The following VPS13C variants were observed in gnomAD, a reference collection of about 807,000 sequenced individuals.
VPS13C encodes vacuolar protein sorting 13 homolog C.
In VPS13C, 358 loss-of-function variants were observed where a neutral mutation model predicts 456.8. That is an observed-to-expected ratio of 0.78 (90% CI 0.72 to 0.86). The LOEUF is 0.86. Among genes scored for constraint, VPS13C ranks in the 40% least tolerant of loss-of-function variants. VPS13C has a pLI of 0.00. For missense variants in VPS13C, 4,818 were observed against 4,385.4 expected (o/e 1.10, Z -2.79); for synonymous variants, 1,578 against 1,486.7 (o/e 1.06, Z -1.41).
rs530099486 is a variant in VPS13C, at chr15:61,889,478, C to T, written c.9341+687G>A. 9.2e-5 allele frequency among the ~76,000 whole-genome samples: 14 copies of T among 152,132 alleles called. No individual in the cohort carries two copies. The South Asian group carries it at 2.7e-3, about 29-fold the overall frequency. ...CGTGTGCTTCTTGATAGATCCTATC[C>T]TGGTTATATTTTGTATCATGTCAAC... On this transcript the variant is annotated intron_variant, in intron 67 of 84. Coordinates refer to ENST00000644861, the MANE Select transcript of VPS13C (RefSeq NM_020821.3).
intron 45 of VPS13C, 127 bp from the exon 46 acceptor site, chr15:61,942,194 T>A: frequency 1.2e-6 from 1 of 863,326 alleles, no homozygotes; most frequent in Non-Finnish European, 1.7e-6. Flanking sequence ...TGATTTTGTG[T>A]ATGTAGAGAG....
chr15:61,914,252 C>G (rs2043392532), intron 61 of VPS13C, among the ~76,000 whole-genome samples: 1 of 152,110 alleles, frequency 6.6e-6, no homozygotes, highest in Non-Finnish European at 1.5e-5. Flanking sequence ...ACTCTACAGA[C>G]AGGACCCAGC....
intron 77 of VPS13C, among the ~76,000 whole-genome samples, chr15:61,873,963 C>CAT (rs2140883787): frequency 6.6e-6 from 1 of 151,628 alleles, no homozygotes; most frequent in African/African-American, 2.4e-5. Context: ...ATGTGATACA[C>CAT]ACACACACAC....
intron 9 of VPS13C, among the ~76,000 whole-genome samples, chr15:62,019,394 T>G (rs1041651111): frequency 1.3e-5 from 2 of 152,170 alleles, no homozygotes; most frequent in African/African-American, 4.8e-5. Context: ...GTGTCAATTT[T>G]AGATCCTTCC....
intron 36 of VPS13C, among the ~76,000 whole-genome samples, chr15:61,958,929 A>C (rs973780898): frequency 6.6e-6 from 1 of 152,084 alleles, no homozygotes; most frequent in Non-Finnish European, 1.5e-5. Context: ...ATAGAAAACC[A>C]GTGTAATTTA....
Position 61,982,481 on chromosome 15 carries a change from T to C in VPS13C, c.2007A>G (p.Glu669=). 2 of 1,608,374 alleles carry C rather than the reference T, an allele frequency of 1.2e-6. No individual in the cohort carries two copies. ...ITSATLMKLE[E]IKERTATGLT... ...CACCTGTAGCTGTTCTCTCCTTAATTTCTTCCAGCTTCATCAATGTTGCTG... is the reference window on the plus strand; with the variant it reads ...CACCTGTAGCTGTTCTCTCCTTAATCTCTTCCAGCTTCATCAATGTTGCTG... Residue 669 remains glutamate (E), a synonymous_variant, in exon 21 of 85, where the codon GAA becomes GAG. Transcript: ENST00000644861.
intron 49 of VPS13C, among the ~76,000 whole-genome samples, chr15:61,932,792 T>C (rs1354659871): frequency 6.6e-6 from 1 of 152,224 alleles, no homozygotes; most frequent in Non-Finnish European, 1.5e-5. Context: ...TCTGTAATCA[T>C]TAATAGCAAT....
rs764557815 is a variant in VPS13C at position 61,890,327 on chromosome 15, C to T, written c.9179G>A (p.Arg3060Lys). Residue 3060 changes from arginine (R) to lysine (K), a missense_variant, in exon 67 of 85, where the codon AGA becomes AAA. Transcript: ENST00000644861. ...HWVSFLDGRQ[R>K]VLLFTDDVAL... is the part of the protein sequence containing the mutation. ...AACATCATCGGTGAAAAGCAAAACT[C>T]TCTGGCGCCCATCCAGAAATGATAC... 6.2e-7 allele frequency: 1 copy of T among 1,613,944 alleles called. No homozygotes were observed. Among genetic ancestry groups the T allele is most frequent in the Non-Finnish European group, 8.5e-7 (1 of 1,180,028 alleles).
At chr15:61,958,065 G>C (rs993575934) in intron 37 of VPS13C, among the ~76,000 whole-genome samples, 2 of 151,266 alleles carry the variant, frequency 1.3e-5, no homozygotes, top group Non-Finnish European at 3.0e-5. Context: ...TATATATATA[G>C]ACATACACAT....
chr15:61,917,445 T>C lies in VPS13C; in HGVS notation c.7951A>G (p.Ile2651Val), dbSNP rs1298037583. 5.6e-6 allele frequency: 9 copies of C among 1,613,928 alleles called. No homozygotes were observed. Among genetic ancestry groups the C allele is most frequent in the South Asian group, 3.3e-5 (3 of 91,090 alleles). The change falls in exon 60 of 85, where the codon ATA becomes GTA. Residue 2651 changes from isoleucine (I) to valine (V), a missense_variant. This residue lies in a region of VPS13C where 4,552 missense variants were observed against 4,130.6 expected (regional missense o/e 1.10). Transcript: ENST00000644861. ...TCCCAGTCTTCCCCATGTGTACATA[T>C]GTAGCTCAATTCATCAGGCAGAGCA... ...TVALPDELSY[I>V]CTHGEDWDVA... is the part of the protein sequence containing the mutation.
chr15:62,001,612 G>C (rs2046618860), intron 15 of VPS13C, among the ~76,000 whole-genome samples: 1 of 152,026 alleles, frequency 6.6e-6, no homozygotes, highest in Non-Finnish European at 1.5e-5. Context: ...CTGGTGCGCT[G>C]CACCCACTAA....
chr15:61,954,215 T>G (rs2044903567), intron 38 of VPS13C, among the ~76,000 whole-genome samples: 1 of 152,188 alleles, frequency 6.6e-6, no homozygotes, highest in South Asian at 2.1e-4. Flanking sequence ...AAGCATGTTA[T>G]ACAACATGCT....
At chr15:61,948,641 T>C (rs1174827705) in intron 42 of VPS13C, among the ~76,000 whole-genome samples, 1 of 151,126 alleles carries the variant, frequency 6.6e-6, no homozygotes, top group Non-Finnish European at 1.5e-5. Flanking sequence ...CAAGATCACA[T>C]CACTGCACTC....
intron 28 of VPS13C, 106 bp from the exon 29 acceptor site, chr15:61,967,553 A>G: frequency 1.2e-6 from 1 of 843,544 alleles, no homozygotes; most frequent in Non-Finnish European, 1.8e-6. Flanking sequence ...TTAAAAGAAA[A>G]TCTTTGCATA....
At chr15:62,010,023 T>TA (rs945939944) in intron 13 of VPS13C, among the ~76,000 whole-genome samples, 10 of 151,558 alleles carry the variant, frequency 6.6e-5, no homozygotes, top group Non-Finnish European at 7.4e-5. Context: ...CCATCTCTAC[T>TA]AAAAAAATAC....
Position 62,033,191 on chromosome 15 carries a change from A to G in VPS13C, c.385+250T>C, listed in dbSNP as rs1034349313. Among the ~76,000 whole-genome samples, 5 of 151,724 alleles carry G rather than the reference A, an allele frequency of 3.3e-5. No individual in the cohort carries two copies. The East Asian group carries it at 9.6e-4, about 29-fold the overall frequency. ...AATTTGGAAAGTCTTCCAAACTAGC[A>G]CAATAAAAATGACTAATTAAGAAAA... On this transcript the variant is annotated intron_variant, in intron 5 of 84. Coordinates refer to ENST00000644861, the MANE Select transcript of VPS13C (RefSeq NM_020821.3).
chr15:61,863,892 T>C (rs1021577829), intron 81 of VPS13C: 4 of 160,362 alleles, frequency 2.5e-5, no homozygotes, highest in African/African-American at 9.6e-5. Context: ...GGATTTGAAA[T>C]AGGGGTCACT....
intron 82 of VPS13C, among the ~76,000 whole-genome samples, chr15:61,859,165 T>G (rs969930407): frequency 6.6e-6 from 1 of 151,798 alleles, no homozygotes; most frequent in African/African-American, 2.4e-5. Flanking sequence ...GAGCCCAGAG[T>G]TGAAGACCAG....
chr15:62,000,660 T>C, intron 15 of VPS13C, 34 bp from the exon 16 acceptor site: 1 of 1,561,996 alleles, frequency 6.4e-7, no homozygotes, highest in South Asian at 1.2e-5. Flanking sequence ...AAACAAGAAA[T>C]TTAATCATTA....
Sources: gnomAD v4.1 joint callset for allele counts (sites outside exome capture counted in the v4.1 genomes callset) on GRCh38, gnomAD v4.1.1 for gene constraint, gnomAD v4.1.1 regional missense constraint, MANE v1.5 for transcripts, NCBI Gene and HGNC (gene_info 2026-07-23, HGNC 2026-07-21) for gene names.